The following OXR1 variants were observed in gnomAD, a reference collection of about 807,000 sequenced individuals.
OXR1 encodes oxidation resistance 1.
In OXR1, 41 loss-of-function variants were observed where a neutral mutation model predicts 104.6. The ratio of observed to expected loss-of-function variants is 0.39; its 90% CI spans 0.31 to 0.51. The LOEUF (loss-of-function observed/expected upper bound fraction) is 0.51. Ranked by LOEUF, OXR1 falls within the 20% of genes least tolerant of loss-of-function variation. The probability of loss-of-function intolerance (pLI) is 0.77; values close to 1 mark genes in which losing one functional copy is unlikely to be tolerated. For synonymous variants in OXR1, 348 were observed against 348.4 expected, an observed-to-expected ratio of 1.00 and a Z score of 0.01; for missense variants, 955 against 1,031.9, an observed-to-expected ratio of 0.93 and a Z score of 1.02.
intron 3 of OXR1, among the ~76,000 whole-genome samples, chr8:106,524,040 T>C (rs973831396): frequency 6.6e-6 from 1 of 152,132 alleles, no homozygotes; most frequent in African/African-American, 2.4e-5. Flanking sequence ...CCTCCCAAAG[T>C]GCTGGGATTA....
chr8:106,370,371 C>T (rs1332797917), intron 2 of OXR1, among the ~76,000 whole-genome samples: 1 of 152,148 alleles, frequency 6.6e-6, no homozygotes, highest in Non-Finnish European at 1.5e-5. Context: ...TCCTCTCTTC[C>T]TAGTTGAATA....
At chr8:106,285,581 G>C (rs569613127) in intron 1 of OXR1, among the ~76,000 whole-genome samples, 8 of 151,906 alleles carry the variant, frequency 5.3e-5, no homozygotes, top group Non-Finnish European at 8.8e-5. Context: ...TGCTGAAACA[G>C]CTGGCCTCCA....
At chr8:106,400,310 A>C (rs999309204) in intron 2 of OXR1, among the ~76,000 whole-genome samples, 2 of 152,186 alleles carry the variant, frequency 1.3e-5, no homozygotes, top group African/African-American at 4.8e-5. Flanking sequence ...ACCACCAAGC[A>C]GTGCATAGTA....
At chr8:106,414,511 C>G (rs150346458) in intron 2 of OXR1, among the ~76,000 whole-genome samples, 33 of 152,280 alleles carry the variant, frequency 2.2e-4, no homozygotes, top group African/African-American at 7.9e-4. Flanking sequence ...AAAATCAAAT[C>G]TATCTCTCCA....
At chr8:106,712,918 T>G (rs887549232) in intron 10 of OXR1, among the ~76,000 whole-genome samples, 2 of 152,036 alleles carry the variant, frequency 1.3e-5, no homozygotes, top group African/African-American at 4.8e-5. Flanking sequence ...TATTTTAATA[T>G]TCATTCTTTT....
chr8:106,509,376 C>T (rs1336837644), intron 2 of OXR1, among the ~76,000 whole-genome samples: 1 of 152,128 alleles, frequency 6.6e-6, no homozygotes, highest in Non-Finnish European at 1.5e-5. Context: ...AATCAGAAAG[C>T]ACATGAGGGA....
intron 2 of OXR1, among the ~76,000 whole-genome samples, chr8:106,449,417 A>G (rs546566202): frequency 6.6e-6 from 1 of 152,324 alleles, no homozygotes; most frequent in East Asian, 1.9e-4. Context: ...CCCAGATACA[A>G]CACCACTTCT....
intron 1 of OXR1, among the ~76,000 whole-genome samples, chr8:106,275,521 G>C (rs1812001749): frequency 6.6e-6 from 1 of 152,114 alleles, no homozygotes; most frequent in African/African-American, 2.4e-5. Context: ...TCACTATTTT[G>C]GGGGGATTAA....
At chr8:106,588,249 G>A (rs930887223) in intron 3 of OXR1, among the ~76,000 whole-genome samples, 1 of 151,818 alleles carries the variant, frequency 6.6e-6, no homozygotes, top group African/African-American at 2.4e-5. Context: ...ATGAGCCACC[G>A]CATCCGGCCA....
At chr8:106,427,554 G>T (rs1056924155) in intron 2 of OXR1, among the ~76,000 whole-genome samples, 6 of 152,142 alleles carry the variant, frequency 3.9e-5, no homozygotes, top group East Asian at 1.9e-4. Flanking sequence ...ATTGTCATCA[G>T]TTGCTTTAAC....
At chr8:106,468,849 T>C (rs1821329973) in intron 2 of OXR1, among the ~76,000 whole-genome samples, 1 of 151,728 alleles carries the variant, frequency 6.6e-6, no homozygotes, top group Admixed American at 6.6e-5. Context: ...CAAAAATATA[T>C]TGAAGTTAGT....
chr8:106,707,294 ACAGTCTC>A, intron 9 of OXR1, 149 bp downstream of exon 9: 1 of 718,860 alleles, frequency 1.4e-6, no homozygotes, highest in Admixed American at 2.1e-5. Context: ...ACAAGTATAT[ACAGTCTC>A]CAGTGTCTAC....
chr8:106,515,668 C>T (rs1586745707), intron 2 of OXR1, among the ~76,000 whole-genome samples: 1 of 152,008 alleles, frequency 6.6e-6, no homozygotes, highest in Non-Finnish European at 1.5e-5. Context: ...TCTTAAACTG[C>T]TTTTTTTATT....
At chr8:106,356,668 A>G (rs898427757) in intron 1 of OXR1, among the ~76,000 whole-genome samples, 3 of 151,994 alleles carry the variant, frequency 2.0e-5, no homozygotes, top group African/African-American at 7.2e-5. Flanking sequence ...ATATATATTT[A>G]TGCATATGTT....
intron 3 of OXR1, among the ~76,000 whole-genome samples, chr8:106,651,557 CA>C (rs554144768): frequency 2.6e-4 from 40 of 152,232 alleles, no homozygotes; most frequent in Admixed American, 2.5e-3. Flanking sequence ...TGTTGAAAAT[CA>C]GTCTGTTTTC....
intron 1 of OXR1, among the ~76,000 whole-genome samples, chr8:106,312,270 G>C (rs1158680850): frequency 6.6e-6 from 1 of 152,192 alleles, no homozygotes; most frequent in Non-Finnish European, 1.5e-5. Flanking sequence ...AAACAGCCAA[G>C]TTCAATCTCA....
intron 2 of OXR1, among the ~76,000 whole-genome samples, chr8:106,381,761 T>C (rs2130412025): frequency 6.6e-6 from 1 of 152,340 alleles, no homozygotes; most frequent in South Asian, 2.1e-4. Flanking sequence ...TGGAATACTC[T>C]GTATTGCTGA....
At chr8:106,667,415 A>G (rs1404896702) in intron 3 of OXR1, among the ~76,000 whole-genome samples, 1 of 152,112 alleles carries the variant, frequency 6.6e-6, no homozygotes, top group Non-Finnish European at 1.5e-5. Context: ...CACCTATTTT[A>G]TGATGCAAGT....
At chr8:106,396,080 T>G (rs1162593818) in intron 2 of OXR1, among the ~76,000 whole-genome samples, 1 of 89,180 alleles carries the variant, frequency 1.1e-5, no homozygotes, top group Non-Finnish European at 2.6e-5. Context: ...TATAAATACA[T>G]ACATACATAC....
Sources: allele counts gnomAD v4.1 joint callset (sites outside exome capture counted in the v4.1 genomes callset), GRCh38; gene constraint gnomAD v4.1.1; transcripts MANE v1.5; gene names NCBI Gene and HGNC (gene_info 2026-07-23, HGNC 2026-07-21).